The following CYP7B1 variants were observed in gnomAD, a reference collection of about 807,000 sequenced individuals.
The protein encoded by CYP7B1 is cytochrome P450 7B1.
In CYP7B1, 29 loss-of-function variants were observed where a neutral mutation model predicts 42.7. That is an observed-to-expected ratio of 0.68 (90% CI 0.51 to 0.93). CYP7B1 has a LOEUF of 0.93. Ranked by LOEUF, CYP7B1 falls within the 40% of genes least tolerant of loss-of-function variation. The pLI is 0.00. For synonymous variants in CYP7B1, 235 were observed against 218.2 expected (o/e 1.08, Z -0.68); for missense variants, 655 against 600.5 (o/e 1.09, Z -0.95).
chr8:64,630,603 A>C (rs1021674279), intron 1 of CYP7B1, among the ~76,000 whole-genome samples: 3 of 152,234 alleles, frequency 2.0e-5, no homozygotes, highest in Admixed American at 6.5e-5. Context: ...CCTTTCAAGG[A>C]GTTGCCCAGG....
chr8:64,652,788 G>T (rs1412933210), intron 1 of CYP7B1, among the ~76,000 whole-genome samples: 1 of 152,146 alleles, frequency 6.6e-6, no homozygotes, highest in African/African-American at 2.4e-5. Context: ...AGCTTGCAGT[G>T]AACTGAGATC....
intron 1 of CYP7B1, among the ~76,000 whole-genome samples, chr8:64,667,873 T>G (rs1173176899): frequency 6.6e-6 from 1 of 152,172 alleles, no homozygotes; most frequent in Non-Finnish European, 1.5e-5. Flanking sequence ...ATACACATAG[T>G]AGGCGTTCTT....
At chr8:64,610,240 C>T (rs551573091) in intron 4 of CYP7B1, among the ~76,000 whole-genome samples, 2 of 152,226 alleles carry the variant, frequency 1.3e-5, no homozygotes, top group South Asian at 4.1e-4. Flanking sequence ...CGATGAACAT[C>T]GAAATCAGTA....
chr8:64,681,971 T>C (rs145613859), intron 1 of CYP7B1, among the ~76,000 whole-genome samples: 7 of 152,298 alleles, frequency 4.6e-5, no homozygotes, highest in African/African-American at 7.2e-5. Context: ...TTGTAGCCAA[T>C]GTAGAAGCAT....
chr8:64,773,582 C>T (rs905917147), intron 1 of CYP7B1, among the ~76,000 whole-genome samples: 1 of 152,202 alleles, frequency 6.6e-6, no homozygotes, highest in African/African-American at 2.4e-5. Flanking sequence ...AGCCCCAAAC[C>T]TCATCTTCTT....
chr8:64,774,125 C>G (rs1255412187), intron 1 of CYP7B1, among the ~76,000 whole-genome samples: 10 of 152,194 alleles, frequency 6.6e-5, no homozygotes, highest in Non-Finnish European at 1.5e-5. Context: ...TCCAGTAAGT[C>G]TGACTCCTAA....
intron 4 of CYP7B1, among the ~76,000 whole-genome samples, chr8:64,605,971 A>C (rs1189796011): frequency 1.3e-5 from 2 of 152,256 alleles, no homozygotes; most frequent in African/African-American, 4.8e-5. Context: ...TCAGCCAAAA[A>C]TAAAAATAAA....
intron 1 of CYP7B1, among the ~76,000 whole-genome samples, chr8:64,656,557 G>T (rs1806123645): frequency 6.6e-6 from 1 of 152,202 alleles, no homozygotes; most frequent in Admixed American, 6.5e-5. Context: ...TGGCCGAGCT[G>T]CAGGGAAGGC....
At chr8:64,676,381 C>A (rs1298282534) in intron 1 of CYP7B1, among the ~76,000 whole-genome samples, 1 of 152,094 alleles carries the variant, frequency 6.6e-6, no homozygotes, top group Non-Finnish European at 1.5e-5. Context: ...AACAACCTTG[C>A]CAACCATTTA....
intron 1 of CYP7B1, among the ~76,000 whole-genome samples, chr8:64,695,940 A>G (rs942739576): frequency 6.6e-6 from 1 of 152,228 alleles, no homozygotes; most frequent in Non-Finnish European, 1.5e-5. Context: ...AAATTTAAAA[A>G]TGCAAAATGT....
intron 1 of CYP7B1, chr8:64,727,984 A>C (rs538879553): frequency 6.6e-6 from 1 of 152,298 alleles, no homozygotes; most frequent in South Asian, 2.1e-4. Flanking sequence ...CTCATTCACC[A>C]CCACAATGGA....
chr8:64,791,372 T>C (rs922337504), intron 1 of CYP7B1, among the ~76,000 whole-genome samples: 3 of 152,188 alleles, frequency 2.0e-5, no homozygotes, highest in African/African-American at 4.8e-5. Flanking sequence ...CAAAAGGGAC[T>C]TTACAGATGT....
chr8:64,640,131 G>T (rs1449215006), intron 1 of CYP7B1, among the ~76,000 whole-genome samples: 1 of 152,124 alleles, frequency 6.6e-6, no homozygotes, highest in Non-Finnish European at 1.5e-5. Context: ...TTCCCTTGGG[G>T]TTGAGGGTAG....
chr8:64,616,188 A>G lies in CYP7B1; in HGVS notation c.353T>C (p.Leu118Ser). ...ACTGATGCTAAATGCTTTCTCTAATAATTTATTAGAAAATACTCGAAAGCT... is the reference window on the plus strand; with the variant it reads ...ACTGATGCTAAATGCTTTCTCTAATGATTTATTAGAAAATACTCGAAAGCT... Reference protein sequence around the residue: ...QLSFRVFSNKLLEKAFSISQL... With the variant: ...QLSFRVFSNKSLEKAFSISQL... The change falls in exon 3 of 6, where the codon TTA (leucine) becomes TCA (serine). Residue 118 changes from leucine to serine, a missense_variant. Leu to Ser is a moderately radical substitution (Grantham distance 145). Transcript: ENST00000310193. 1 of 1,611,878 alleles carries G rather than the reference A, an allele frequency of 6.2e-7. No homozygotes were observed. The highest frequency in any genetic ancestry group is 8.5e-7 in the Non-Finnish European group (1 of 1,178,844).
intron 4 of CYP7B1, among the ~76,000 whole-genome samples, chr8:64,605,903 AAC>A (rs1278904749): frequency 1.3e-5 from 2 of 152,222 alleles, no homozygotes; most frequent in African/African-American, 4.8e-5. Flanking sequence ...AAAGCTCTGA[AAC>A]ACAGAGTACC....
chr8:64,643,687 G>A (rs996632800), intron 1 of CYP7B1, among the ~76,000 whole-genome samples: 1 of 152,172 alleles, frequency 6.6e-6, no homozygotes, highest in Admixed American at 6.5e-5. Flanking sequence ...CAAAATTGGA[G>A]TCAATTCGCT....
Position 64,685,798 on chromosome 8 carries a change from G to A in CYP7B1, c.123-61259C>T, listed in dbSNP as rs1806622766. On this transcript the variant is annotated intron_variant, in intron 1 of 5. Coordinates refer to ENST00000310193, the MANE Select transcript of CYP7B1 (RefSeq NM_004820.5). ...TGGGGGGGGGTCAGCCCCCCCGCCC[G>A]GCCAGCCGTGCCATCCGGGAGGGAG... 3.8e-5 allele frequency among the ~76,000 whole-genome samples: 2 copies of A among 53,048 alleles called. 1 individual carries two copies. Among genetic ancestry groups the A allele is most frequent in the African/African-American group, 1.1e-4 (2 of 17,590 alleles). The allele number at this position is 53,048 out of a possible 152,430, so 34.8% of individuals were successfully genotyped here. A position where few individuals can be genotyped will look rare whatever the true frequency, so the allele number is the denominator to read the frequency against.
intron 1 of CYP7B1, among the ~76,000 whole-genome samples, chr8:64,723,417 T>C (rs1430876062): frequency 6.6e-6 from 1 of 152,186 alleles, no homozygotes; most frequent in African/African-American, 2.4e-5. Context: ...TAAGTAAAAT[T>C]TTTAGAACTT....
chr8:64,713,055 A>G (rs944008681), intron 1 of CYP7B1, among the ~76,000 whole-genome samples: 7 of 152,166 alleles, frequency 4.6e-5, no homozygotes, highest in Non-Finnish European at 8.8e-5. Flanking sequence ...ATTCTATTAT[A>G]TAAGAGAAAT....
Sources: allele counts gnomAD v4.1 joint callset (sites outside exome capture counted in the v4.1 genomes callset), GRCh38; gene constraint gnomAD v4.1.1; transcripts MANE v1.5; gene names NCBI Gene and HGNC (gene_info 2026-07-23, HGNC 2026-07-21).